Variants in FNBP1 observed in about 807,000 individuals in gnomAD.
FNBP1 encodes the protein formin binding protein 1.
Under a neutral mutation model 90.6 loss-of-function variants are expected in FNBP1, and 26 were observed. The observed-to-expected ratio is 0.29, with a 90% CI of 0.21 to 0.40. FNBP1 has a LOEUF of 0.40. Ranked by LOEUF, FNBP1 falls within the 10% of genes least tolerant of loss-of-function variation. The pLI is 1.00. For missense variants in FNBP1, 635 were observed against 768.0 expected, an observed-to-expected ratio of 0.83 and a Z score of 2.05; for synonymous variants, 260 against 265.2, an observed-to-expected ratio of 0.98 and a Z score of 0.19.
intron 4 of FNBP1, among the ~76,000 whole-genome samples, chr9:129,971,208 A>G (rs1256561356): frequency 6.6e-6 from 1 of 151,880 alleles, no homozygotes; most frequent in East Asian, 1.9e-4. Context: ...TGCATTTTTT[A>G]AAAACCAACA....
At chr9:129,960,905 G>A (rs1212211944) in intron 4 of FNBP1, among the ~76,000 whole-genome samples, 2 of 152,052 alleles carry the variant, frequency 1.3e-5, no homozygotes, top group Admixed American at 6.6e-5. Flanking sequence ...GGGTGACTCC[G>A]AGGTTGTCAG....
Position 129,979,287 on chromosome 9 carries a change from A to G in FNBP1, c.197+31T>C, listed in dbSNP as rs771037423. The G allele has an allele frequency of 3.3e-5, 46 of 1,388,272 alleles. No homozygotes were observed. The East Asian group carries it at 1.1e-3, about 32-fold the overall frequency. 86.0% of individuals were successfully genotyped at this position (1,388,272 alleles called of 1,614,324 possible). A position where few individuals can be genotyped will look rare whatever the true frequency, so the allele number is the denominator to read the frequency against. On this transcript the variant is annotated intron_variant, in intron 3 of 16. Coordinates refer to ENST00000446176, the MANE Select transcript of FNBP1 (RefSeq NM_015033.3). ...GTGTAGTCATCAATGGCATGTGTCT[A>G]TTACAAGACAATTTTCAATGGTAAA...
In FNBP1 at chr9:129,887,852, G is replaced by A. The variant is rs1403077031; in HGVS notation, c.*2687C>T. 8.7e-6 allele frequency: 2 copies of A among 231,120 alleles called. No homozygotes were observed. The highest frequency in any genetic ancestry group is 2.2e-5 in the African/African-American group (1 of 45,214). The allele number at this position is 231,120 out of a possible 1,614,324, so 14.3% of individuals were successfully genotyped here. On this transcript the variant is annotated 3_prime_UTR_variant, in exon 17 of 17. Transcript: ENST00000446176. ...CAGGCGGCAGATACGGGGGAGGAAGGAGACGTTCACGGGAAATTCCACATT... is the reference window on the plus strand; with the variant it reads ...CAGGCGGCAGATACGGGGGAGGAAGAAGACGTTCACGGGAAATTCCACATT...
chr9:129,974,698 A>G (rs757506510), intron 4 of FNBP1, among the ~76,000 whole-genome samples: 16 of 151,880 alleles, frequency 1.1e-4, no homozygotes, highest in Non-Finnish European at 2.1e-4. Flanking sequence ...TGTCTCTACA[A>G]AATTTTTAAA....
chr9:129,934,341 T>G (rs1324899806), intron 6 of FNBP1, among the ~76,000 whole-genome samples: 1 of 152,188 alleles, frequency 6.6e-6, no homozygotes, highest in African/African-American at 2.4e-5. Flanking sequence ...TTGTTTTACT[T>G]GCAACGAGTC....
intron 1 of FNBP1, among the ~76,000 whole-genome samples, chr9:130,002,549 C>T (rs1319834631): frequency 6.6e-6 from 1 of 152,206 alleles, no homozygotes; most frequent in Admixed American, 6.6e-5. Flanking sequence ...GCCACGTGAC[C>T]TCTGCCATGC....
chr9:130,015,361 T>C (rs1025811289), intron 1 of FNBP1, among the ~76,000 whole-genome samples: 2 of 152,060 alleles, frequency 1.3e-5, no homozygotes, highest in African/African-American at 4.8e-5. Flanking sequence ...AACCAATAGG[T>C]CTCTGTATAT....
In FNBP1 at chr9:129,902,431, C is replaced by T. The variant is rs75175662; in HGVS notation, c.1428+438G>A. Among the ~76,000 whole-genome samples the T allele has an allele frequency of 3.3e-3, 497 of 152,174 alleles. 20 individuals are homozygous for T. In the East Asian group the frequency reaches 0.086, roughly 26 times the overall value. On this transcript the variant is annotated intron_variant, in intron 13 of 16. Transcript: ENST00000446176. ...TGTGCAACAGAGCAAGACCTCAACT[C>T]TAAAACAAATAAAAAATTGAAAAAT... is the stretch of plus-strand genomic sequence containing the variant.
At chr9:129,956,682 T>C (rs1328951887) in intron 6 of FNBP1, among the ~76,000 whole-genome samples, 1 of 152,154 alleles carries the variant, frequency 6.6e-6, no homozygotes, top group Non-Finnish European at 1.5e-5. Context: ...AAAGGAACCA[T>C]TATAAGCAGC....
chr9:129,911,276 G>A (rs150385436), intron 11 of FNBP1, among the ~76,000 whole-genome samples: 5 of 152,304 alleles, frequency 3.3e-5, no homozygotes, highest in Middle Eastern at 3.4e-3. Flanking sequence ...GATTCTGATT[G>A]TGGCCATATG....
At chr9:129,959,227 G>A (rs929122833) in intron 4 of FNBP1, among the ~76,000 whole-genome samples, 2 of 151,702 alleles carry the variant, frequency 1.3e-5, no homozygotes, top group African/African-American at 2.4e-5. Context: ...AGCCTGGGAG[G>A]TTGAGGCCGC....
intron 4 of FNBP1, among the ~76,000 whole-genome samples, chr9:129,976,007 G>A (rs1163152786): frequency 1.3e-5 from 2 of 151,910 alleles, no homozygotes; most frequent in African/African-American, 2.4e-5. Flanking sequence ...TCAGGGTCCA[G>A]GGAAGCAGTC....
intron 6 of FNBP1, chr9:129,933,497 T>C (rs2043041332): frequency 6.6e-6 from 1 of 152,186 alleles, no homozygotes. Flanking sequence ...ATAATGCCCT[T>C]TGCCCTGTTT....
Position 129,965,725 on chromosome 9 carries a change from TAGAA to T in FNBP1, c.346-7176_346-7173del, listed in dbSNP as rs1211734770. Among the ~76,000 whole-genome samples, 45 of 74,530 alleles carry T rather than the reference TAGAA, an allele frequency of 6.0e-4. No individual in the cohort carries two copies. In the South Asian group the frequency reaches 0.014, roughly 23 times the overall value. The allele number at this position is 74,530 out of a possible 152,430, so 48.9% of individuals were successfully genotyped here. On this transcript the variant is annotated intron_variant, in intron 4 of 16. Transcript: ENST00000446176. ...GCGCGCGCGCACACACACACACACA[TAGAA>T]AGAAAAAGAAAAGAAGAAAGGGAAG...
chr9:129,938,146 G>C (rs1361982676), intron 6 of FNBP1, among the ~76,000 whole-genome samples: 1 of 152,144 alleles, frequency 6.6e-6, no homozygotes, highest in Non-Finnish European at 1.5e-5. Flanking sequence ...CTGGGCAACA[G>C]AGTGAGACTC....
intron 1 of FNBP1, among the ~76,000 whole-genome samples, chr9:130,019,395 A>G (rs1351897871): frequency 1.3e-5 from 2 of 152,196 alleles, no homozygotes; most frequent in Admixed American, 6.5e-5. Context: ...TAAACTAACA[A>G]TTAGATTGCA....
intron 6 of FNBP1, among the ~76,000 whole-genome samples, chr9:129,953,839 G>A (rs1453917169): frequency 6.6e-6 from 1 of 150,842 alleles, no homozygotes; most frequent in Non-Finnish European, 1.5e-5. Flanking sequence ...GGTGGTGGGG[G>A]AAGAAGTTAA....
intron 6 of FNBP1, among the ~76,000 whole-genome samples, chr9:129,952,116 C>T (rs2046269578): frequency 6.6e-6 from 1 of 151,686 alleles, no homozygotes; most frequent in Non-Finnish European, 1.5e-5. Context: ...GGTTTGAACC[C>T]GGGAGGCACA....
At chr9:129,895,065 C>A (rs1333097528) in intron 16 of FNBP1, among the ~76,000 whole-genome samples, 5 of 152,012 alleles carry the variant, frequency 3.3e-5, no homozygotes, top group Admixed American at 6.6e-5. Flanking sequence ...ACAACAACAA[C>A]AAAAACACAA....
Sources: gnomAD v4.1 joint callset for allele counts (sites outside exome capture counted in the v4.1 genomes callset) on GRCh38, gnomAD v4.1.1 for gene constraint, MANE v1.5 for transcripts, NCBI Gene and HGNC (gene_info 2026-07-23, HGNC 2026-07-21) for gene names.